The following TM6SF1 variants were observed in gnomAD, a reference collection of about 807,000 sequenced individuals.
TM6SF1 encodes the protein transmembrane 6 superfamily member 1.
A neutral mutation model predicts 47.1 loss-of-function variants in TM6SF1; 43 were observed. The ratio of observed to expected loss-of-function variants is 0.91; its 90% CI spans 0.72 to 1.18. The LOEUF (loss-of-function observed/expected upper bound fraction) is 1.18, where lower values mean the gene tolerates loss of function less well. Ranked by LOEUF, TM6SF1 falls within the 50% of genes most tolerant of loss-of-function variation. The pLI, the probability that TM6SF1 is intolerant of heterozygous loss-of-function variation, is 0.00. For missense variants in TM6SF1, 390 were observed against 449.0 expected (o/e 0.87, Z 1.19); for synonymous variants, 177 against 166.3 (o/e 1.06, Z -0.49).
chr15:83,120,495 C>T (rs1164860263), intron 4 of TM6SF1, among the ~76,000 whole-genome samples: 2 of 151,960 alleles, frequency 1.3e-5, no homozygotes, highest in African/African-American at 4.8e-5. Context: ...TACAGAAAGT[C>T]ATGCATTCTT....
chr15:83,109,537 G>A lies in TM6SF1; in HGVS notation c.92+1765G>A, dbSNP rs536927137. On this transcript the variant is annotated intron_variant, in intron 1 of 9. Transcript: ENST00000322019. ...TGTCCTCTTGCAGGTTAAAACCCCC[G>A]TGGCCTTTGATTCCTCTCTTCTTTC... Among the ~76,000 whole-genome samples the A allele has an allele frequency of 3.7e-4, 57 of 152,258 alleles. No homozygotes were observed. In the Middle Eastern group the frequency reaches 0.014, roughly 36 times the overall value.
intron 9 of TM6SF1, chr15:83,131,313 G>C (rs562570483): frequency 1.3e-5 from 2 of 152,116 alleles, no homozygotes; most frequent in African/African-American, 4.8e-5. Context: ...AAAAGTTCTA[G>C]ATCAGTATAG....
At chr15:83,121,310 G>A (rs886606190) in intron 4 of TM6SF1, among the ~76,000 whole-genome samples, 3 of 150,020 alleles carry the variant, frequency 2.0e-5, no homozygotes, top group Non-Finnish European at 3.0e-5. Context: ...TCAAACTCCT[G>A]ACCTCAAGTG....
In TM6SF1 at chr15:83,107,662, G is replaced by T. The variant is rs770337049; in HGVS notation, c.-19G>T. On this transcript the variant is annotated 5_prime_UTR_variant, in exon 1 of 10. Transcript: ENST00000322019. The surrounding 1 kb of genome is among the most constrained non-coding windows in gnomAD (Gnocchi z 5.6). ...CGCCCAGCGGGATGCGGTGAAGGGC[G>T]AGCGGCGCGGCGGCTGCGATGAGTG... The T allele has an allele frequency of 1.7e-5, 26 of 1,534,092 alleles. No individual in the cohort carries two copies. The highest frequency in any genetic ancestry group is 2.1e-5 in the Non-Finnish European group (24 of 1,141,284).
In TM6SF1 at chr15:83,121,985, G is replaced by C. The variant is rs181620994; in HGVS notation, c.463G>C (p.Val155Leu). The C allele has an allele frequency of 3.0e-4, 482 of 1,611,270 alleles. 3 individuals are homozygous for C. In the East Asian group the frequency reaches 0.011, roughly 35 times the overall value. ...TATTATTATGAGTGTTGTTGTTTTT[G>C]TGCCAGGAAACATTGTAGGTAAGAA... ...GSIIMSVVVF[V>L]PGNIVGKYGT... Residue 155 changes from valine to leucine, a missense_variant, in exon 5 of 10, where the codon GTG (valine) becomes CTG (leucine). Physicochemically the swap from Val to Leu is conservative, Grantham distance 32. Coordinates refer to ENST00000322019, the MANE Select transcript of TM6SF1 (RefSeq NM_023003.5).
At chr15:83,116,457 C>T (rs1437765321) in intron 3 of TM6SF1, among the ~76,000 whole-genome samples, 1 of 152,154 alleles carries the variant, frequency 6.6e-6, no homozygotes, top group Non-Finnish European at 1.5e-5. Context: ...AACCCAGCCC[C>T]AGAGAGGTTA....
intron 1 of TM6SF1, chr15:83,111,800 G>A: frequency 4.2e-6 from 2 of 473,166 alleles, no homozygotes; most frequent in Middle Eastern, 1.1e-3. Context: ...CTCCTAGTGG[G>A]TAGAGCTCAG....
At chr15:83,126,108 G>A (rs2035726266) in intron 7 of TM6SF1, among the ~76,000 whole-genome samples, 1 of 152,142 alleles carries the variant, frequency 6.6e-6, no homozygotes, top group Non-Finnish European at 1.5e-5. Context: ...AAGGTGGGTA[G>A]GGCTTTTGGA....
chr15:83,109,025 A>T (rs2033916875), intron 1 of TM6SF1, among the ~76,000 whole-genome samples: 1 of 152,246 alleles, frequency 6.6e-6, no homozygotes, highest in Non-Finnish European at 1.5e-5. Context: ...CTGAGTGCCT[A>T]CTGTGTGTTT....
At chr15:83,126,872 T>C (rs1412249670) in intron 8 of TM6SF1, 25 bp downstream of exon 8, 1 of 1,570,752 alleles carries the variant, frequency 6.4e-7, no homozygotes, top group Non-Finnish European at 8.7e-7. Context: ...AAGCCTAAGA[T>C]TTTTCTAAAA....
At chr15:83,108,604 G>C (rs536224712) in intron 1 of TM6SF1, among the ~76,000 whole-genome samples, 1 of 152,346 alleles carries the variant, frequency 6.6e-6, no homozygotes, top group African/African-American at 2.4e-5. Flanking sequence ...GCAGCTGAAG[G>C]CCTGAGGGTC....
At chr15:83,124,921 T>C (rs1265476382) in intron 7 of TM6SF1, 145 bp downstream of exon 7, 1 of 689,672 alleles carries the variant, frequency 1.4e-6, no homozygotes, top group Non-Finnish European at 2.4e-6. Context: ...CCTGGAGCCC[T>C]GGACCTGCTT....
chr15:83,107,815 GGAGTT>G lies in TM6SF1; in HGVS notation c.92+45_92+49del, dbSNP rs763813550. The G allele has an allele frequency of 6.5e-7, 1 of 1,548,404 alleles. No homozygotes were observed. Among genetic ancestry groups the G allele is most frequent in the East Asian group, 2.6e-5 (1 of 38,514 alleles). On this transcript the variant is annotated intron_variant, in intron 1 of 9. Transcript: ENST00000322019. This position sits in a 1 kb window ranked among gnomAD's most constrained non-coding sequence, Gnocchi z 5.6. ...GCGGGGGTCGCGCCGAGGGGCGGCG[GGAGTT>G]GGCTCGCCGCGACGGGAGCCTCGCA...
intron 3 of TM6SF1, among the ~76,000 whole-genome samples, chr15:83,117,415 T>TGC (rs2151348799): frequency 6.6e-6 from 1 of 152,152 alleles, no homozygotes; most frequent in East Asian, 1.9e-4. Context: ...GAGAAGGGCT[T>TGC]GCCTATGAGA....
intron 7 of TM6SF1, among the ~76,000 whole-genome samples, chr15:83,125,903 T>C (rs181945397): frequency 1.1e-4 from 16 of 152,184 alleles, no homozygotes; most frequent in Non-Finnish European, 1.9e-4. Flanking sequence ...AGGAGGGGCA[T>C]GGGGAAGAGA....
In TM6SF1 at chr15:83,107,724, C is replaced by G. The variant is rs780558833; in HGVS notation, c.44C>G (p.Ser15Trp). 1.3e-6 allele frequency: 2 copies of G among 1,583,870 alleles called. No individual in the cohort carries two copies. Among genetic ancestry groups the G allele is most frequent in the East Asian group, 4.9e-5 (2 of 40,982 alleles). The change falls in exon 1 of 10, where the codon TCG becomes TGG. Residue 15 changes from serine (S) to tryptophan (W), a missense_variant. Transcript: ENST00000322019. The surrounding 1 kb of genome is among the most constrained non-coding windows in gnomAD (Gnocchi z 5.6). ...ACCGGGGTCTTCGTGCTGTCCCTCT[C>G]GGCCATCCCGGTCACCTATGTCTTC... ...AATGVFVLSL[S>W]AIPVTYVFNH...
intron 6 of TM6SF1, 32 bp downstream of exon 6, chr15:83,122,910 C>G (rs751068743): frequency 1.2e-6 from 2 of 1,611,080 alleles, no homozygotes; most frequent in Non-Finnish European, 1.7e-6. Context: ...GTACCCTGTT[C>G]TCAAACTCAT....
intron 7 of TM6SF1, among the ~76,000 whole-genome samples, chr15:83,126,420 G>T (rs958255871): frequency 1.3e-5 from 2 of 152,142 alleles, no homozygotes; most frequent in Non-Finnish European, 2.9e-5. Flanking sequence ...TTCCTGTAGG[G>T]AATAGGGGGC....
At chr15:83,111,894 C>G (rs2034217519) in intron 1 of TM6SF1, among the ~76,000 whole-genome samples, 1 of 152,166 alleles carries the variant, frequency 6.6e-6, no homozygotes, top group Non-Finnish European at 1.5e-5. Flanking sequence ...ATGGCTACCA[C>G]ATAGGGGTGC....
Sources: gnomAD v4.1 joint callset for allele counts (sites outside exome capture counted in the v4.1 genomes callset) on GRCh38, gnomAD v4.1.1 for gene constraint, Gnocchi (gnomAD v3.1) non-coding constraint, MANE v1.5 for transcripts, NCBI Gene and HGNC (gene_info 2026-07-23, HGNC 2026-07-21) for gene names.